The following BABAM2 variants were observed in gnomAD, a reference collection of about 807,000 sequenced individuals.
BABAM2 encodes the protein BRISC and BRCA1 A complex member 2, also known as BRISC and BRCA1-A complex member 2.
A neutral mutation model predicts 54.7 loss-of-function variants in BABAM2; 31 were observed. The ratio of observed to expected loss-of-function variants is 0.57; its 90% CI spans 0.43 to 0.77. The LOEUF (loss-of-function observed/expected upper bound fraction) is 0.77, where lower values mean the gene tolerates loss of function less well. BABAM2 is among the 30% of genes least tolerant of loss of function. BABAM2 has a pLI of 0.00. For synonymous variants in BABAM2, 167 were observed against 162.9 expected, an observed-to-expected ratio of 1.03 and a Z score of -0.19; for missense variants, 364 against 455.8, an observed-to-expected ratio of 0.80 and a Z score of 1.83.
intron 4 of BABAM2, chr2:28,013,264 A>T: frequency 2.3e-6 from 1 of 430,388 alleles, no homozygotes; most frequent in Non-Finnish European, 4.7e-6. Flanking sequence ...CTGGCACAAA[A>T]TTGAGATGAT....
At chr2:27,891,881 T>C (rs1290488715) in intron 1 of BABAM2, among the ~76,000 whole-genome samples, 1 of 152,124 alleles carries the variant, frequency 6.6e-6, no homozygotes, top group Non-Finnish European at 1.5e-5. Context: ...TGTCACTTAG[T>C]ATGGTTTGGC....
intron 8 of BABAM2, among the ~76,000 whole-genome samples, chr2:28,240,323 T>C (rs1682297037): frequency 6.6e-6 from 1 of 152,102 alleles, no homozygotes; most frequent in African/African-American, 2.4e-5. Context: ...GAGGTCTGGC[T>C]GTGTTGCTGA....
At chr2:28,183,706 C>A (rs1395187329) in intron 7 of BABAM2, among the ~76,000 whole-genome samples, 1 of 145,352 alleles carries the variant, frequency 6.9e-6, no homozygotes, top group Non-Finnish European at 1.5e-5. Context: ...TCAAACCAGC[C>A]ACACAGAATT....
intron 11 of BABAM2, chr2:28,327,351 A>C: frequency 6.2e-7 from 1 of 1,613,892 alleles, no homozygotes; most frequent in Non-Finnish European, 8.5e-7. Context: ...ACTGGCTGCA[A>C]GCTGCTCCAG....
intron 5 of BABAM2, among the ~76,000 whole-genome samples, chr2:28,032,996 A>AT (rs760700650): frequency 1.3e-5 from 2 of 152,062 alleles, no homozygotes; most frequent in Non-Finnish European, 2.9e-5. Context: ...CACACACGTA[A>AT]TTTCCTGTAA....
chr2:28,183,434 C>T (rs1558414428), intron 7 of BABAM2, among the ~76,000 whole-genome samples: 1 of 152,100 alleles, frequency 6.6e-6, no homozygotes, highest in Non-Finnish European at 1.5e-5. Flanking sequence ...GAGCAAGACT[C>T]TATCTCCAAA....
At chr2:28,119,962 A>AT (rs1490908966) in intron 6 of BABAM2, among the ~76,000 whole-genome samples, 5 of 152,148 alleles carry the variant, frequency 3.3e-5, no homozygotes, top group African/African-American at 9.7e-5. Context: ...CTAACTGTAC[A>AT]TTATTACAGG....
chr2:27,965,400 A>G (rs1038171414), intron 3 of BABAM2, among the ~76,000 whole-genome samples: 4 of 152,220 alleles, frequency 2.6e-5, no homozygotes, highest in African/African-American at 9.6e-5. Flanking sequence ...TTATGTACCT[A>G]TCACACAGTT....
At chr2:28,151,539 C>T (rs1314187966) in intron 7 of BABAM2, among the ~76,000 whole-genome samples, 1 of 152,102 alleles carries the variant, frequency 6.6e-6, no homozygotes, top group Non-Finnish European at 1.5e-5. Context: ...CGCGCCATTG[C>T]ACTCCAGCCT....
intron 3 of BABAM2, among the ~76,000 whole-genome samples, chr2:27,983,724 A>G (rs1672182331): frequency 1.3e-5 from 2 of 152,088 alleles, no homozygotes; most frequent in Admixed American, 1.3e-4. Flanking sequence ...ATCTCATTGT[A>G]AATGGAATTT....
At chr2:28,214,581 T>C (rs1274612847) in intron 7 of BABAM2, among the ~76,000 whole-genome samples, 1 of 152,178 alleles carries the variant, frequency 6.6e-6, no homozygotes, top group Non-Finnish European at 1.5e-5. Context: ...TATGCCTTTT[T>C]TCTTGCTTCA....
At chr2:28,090,895 A>C (rs531753996) in intron 6 of BABAM2, among the ~76,000 whole-genome samples, 1 of 152,316 alleles carries the variant, frequency 6.6e-6, no homozygotes, top group Admixed American at 6.5e-5. Flanking sequence ...CCTGAAAATT[A>C]GGATACATTA....
intron 10 of BABAM2, among the ~76,000 whole-genome samples, chr2:28,291,289 T>A (rs570667763): frequency 1.3e-5 from 2 of 152,298 alleles, no homozygotes; most frequent in African/African-American, 4.8e-5. Flanking sequence ...TTCAGTTTAA[T>A]AATATTGAAA....
intron 7 of BABAM2, among the ~76,000 whole-genome samples, chr2:28,211,216 A>G (rs553519061): frequency 2.1e-4 from 32 of 152,168 alleles, no homozygotes; most frequent in Admixed American, 3.9e-4. Context: ...CCAAGAGATC[A>G]ACTGCTGTCT....
At chr2:28,185,802 TGAGA>T (rs1387862587) in intron 7 of BABAM2, among the ~76,000 whole-genome samples, 3 of 152,110 alleles carry the variant, frequency 2.0e-5, no homozygotes, top group Non-Finnish European at 2.9e-5. Flanking sequence ...TCTTGTGCCA[TGAGA>T]CTCCATCAGG....
At chr2:27,919,494 G>A (rs1415249509) in intron 2 of BABAM2, among the ~76,000 whole-genome samples, 1 of 152,108 alleles carries the variant, frequency 6.6e-6, no homozygotes. Flanking sequence ...TTTGTAGATA[G>A]CTTTGATCAC....
intron 11 of BABAM2, among the ~76,000 whole-genome samples, chr2:28,320,777 G>A (rs547642836): frequency 7.2e-5 from 11 of 152,192 alleles, no homozygotes; most frequent in African/African-American, 7.2e-5. Context: ...ATCAGGACAC[G>A]GGCTTGCAGC....
intron 10 of BABAM2, among the ~76,000 whole-genome samples, chr2:28,255,868 G>A (rs1040631582): frequency 1.3e-5 from 2 of 152,072 alleles, no homozygotes; most frequent in Non-Finnish European, 2.9e-5. Flanking sequence ...GTTTCACCAT[G>A]TTCCCCAGGC....
chr2:27,919,720 G>A (rs763948938), intron 2 of BABAM2, among the ~76,000 whole-genome samples: 48 of 152,182 alleles, frequency 3.2e-4, no homozygotes, highest in Middle Eastern at 3.4e-3. Flanking sequence ...ATTTTTTCCC[G>A]ATCCTAGTTA....
Sources: gnomAD v4.1 joint callset for allele counts (sites outside exome capture counted in the v4.1 genomes callset) on GRCh38, gnomAD v4.1.1 for gene constraint, MANE v1.5 for transcripts, NCBI Gene and HGNC (gene_info 2026-07-23, HGNC 2026-07-21) for gene names.